The following NIPBL variants were observed in gnomAD, a reference collection of about 807,000 sequenced individuals.
NIPBL encodes the protein nipped-B-like protein.
In NIPBL, 19 loss-of-function variants were observed where a neutral mutation model predicts 321.8. The ratio of observed to expected loss-of-function variants is 0.06; its 90% CI spans 0.04 to 0.09. NIPBL has a LOEUF of 0.09. NIPBL is among the 10% of genes least tolerant of loss of function. NIPBL has a pLI of 1.00. For synonymous variants in NIPBL, 1,106 were observed against 1,114.1 expected (o/e 0.99, Z 0.14); for missense variants, 2,210 against 3,327.0 (o/e 0.66, Z 8.26).
At position 37,024,569 on chromosome 5, in the gene NIPBL, A is replaced by G; in HGVS notation, c.5575-16A>G. On this transcript the variant is annotated splice_polypyrimidine_tract_variant and intron_variant, in intron 29 of 46. Transcript: ENST00000282516. ...CTCAATTTTTCTGACTCTTAAAAAT[A>G]CCTTTCTGTTTTTAGGATACTGGTA... The G allele has an allele frequency of 6.3e-7, 1 of 1,593,408 alleles. No individual in the cohort carries two copies.
intron 6 of NIPBL, among the ~76,000 whole-genome samples, chr5:36,963,890 T>G (rs186808436): frequency 6.6e-6 from 1 of 152,250 alleles, no homozygotes. Flanking sequence ...TAAAATACTA[T>G]TATACTCAAG....
At chr5:36,896,503 A>G (rs1411895689) in intron 1 of NIPBL, among the ~76,000 whole-genome samples, 1 of 152,184 alleles carries the variant, frequency 6.6e-6, no homozygotes, top group Non-Finnish European at 1.5e-5. Context: ...TCTGTAGATG[A>G]GTTTGGGGAG....
intron 6 of NIPBL, among the ~76,000 whole-genome samples, chr5:36,969,123 T>A (rs1200999119): frequency 2.0e-5 from 3 of 152,146 alleles, no homozygotes; most frequent in African/African-American, 7.2e-5. Flanking sequence ...AAGACTTTTG[T>A]GGAGCAAATT....
At chr5:36,921,669 A>C (rs1453710422) in intron 1 of NIPBL, among the ~76,000 whole-genome samples, 1 of 152,196 alleles carries the variant, frequency 6.6e-6, no homozygotes, top group African/African-American at 2.4e-5. Flanking sequence ...CATTTGCCAC[A>C]GGAGTAAAAT....
At chr5:36,991,820 G>T (rs1745556273) in intron 10 of NIPBL, among the ~76,000 whole-genome samples, 1 of 149,348 alleles carries the variant, frequency 6.7e-6, no homozygotes, top group Non-Finnish European at 1.5e-5. Context: ...TTCTGAACGT[G>T]ACTTGTTTCC....
chr5:37,049,241 C>T lies in NIPBL; in HGVS notation c.6894C>T (p.Arg2298=), dbSNP rs58424791. 6.2e-7 allele frequency: 1 copy of T among 1,614,114 alleles called. No homozygotes were observed. The highest frequency in any genetic ancestry group is 1.7e-5 in the Admixed American group (1 of 60,016). Residue 2298 remains arginine (R), a synonymous_variant, in exon 40 of 47, where the codon CGC becomes CGT. Transcript: ENST00000282516. Reference sequence around the variant, plus strand: ...TTTTTCACACCCAGTCAAGTGTACGCCACTTTGCCCTAAATGTCATTGCAT... The same window carrying T: ...TTTTTCACACCCAGTCAAGTGTACGTCACTTTGCCCTAAATGTCATTGCAT... ...EAFFHTQSSV[R]HFALNVIALT... is the part of the protein sequence containing the mutation.
Position 36,976,290 on chromosome 5 carries a change from A to G in NIPBL, c.1383A>G (p.Gln461=), listed in dbSNP as rs1488544687. The G allele has an allele frequency of 3.7e-6, 6 of 1,613,648 alleles. No homozygotes were observed. The African/African-American group carries it at 4.0e-5, about 11-fold the overall frequency. The stretch of plus-strand genomic sequence containing the variant: ...TACAGAATCAACAACAGATATCACA[A>G]CAGGGACCTATATATGATGAAGTGG... ...SVVQNQQQIS[Q]QGPIYDEVEL... is the part of the protein sequence containing the mutation. Residue 461 remains glutamine (Q), a synonymous_variant, in exon 9 of 47, where the codon CAA becomes CAG. Transcript: ENST00000282516.
At chr5:36,971,843 A>G in intron 7 of NIPBL, 102 bp from the exon 8 acceptor site, 1 of 1,517,634 alleles carries the variant, frequency 6.6e-7, no homozygotes, top group Non-Finnish European at 8.9e-7. Context: ...GAATTCCAAC[A>G]CTTTACCTGT....
intron 1 of NIPBL, among the ~76,000 whole-genome samples, chr5:36,904,875 C>A (rs1308577902): frequency 6.6e-6 from 1 of 152,172 alleles, no homozygotes. Flanking sequence ...GTAACCTAAT[C>A]TCAGAAGTGA....
At chr5:36,935,087 T>G (rs917060562) in intron 1 of NIPBL, among the ~76,000 whole-genome samples, 1 of 152,154 alleles carries the variant, frequency 6.6e-6, no homozygotes, top group Non-Finnish European at 1.5e-5. Flanking sequence ...CCTCTCTGTT[T>G]TGGCAAAACC....
At position 36,983,289 on chromosome 5, in the gene NIPBL, G is replaced by A. The variant is rs1022820284; in HGVS notation, c.1496-1387G>A. 2.0e-5 allele frequency among the ~76,000 whole-genome samples: 3 copies of A among 152,012 alleles called. No individual in the cohort carries two copies. The East Asian group carries it at 5.8e-4, about 29-fold the overall frequency. ...ATTTGACTGGACAACTGAAGGAGCAGAAGGACTTAGTTTTACAAAATATAA... is the reference window on the plus strand; with the variant it reads ...ATTTGACTGGACAACTGAAGGAGCAAAAGGACTTAGTTTTACAAAATATAA... On this transcript the variant is annotated intron_variant, in intron 9 of 46. Coordinates refer to ENST00000282516, the MANE Select transcript of NIPBL (RefSeq NM_133433.4).
At chr5:36,909,407 T>G (rs1455497255) in intron 1 of NIPBL, among the ~76,000 whole-genome samples, 1 of 152,194 alleles carries the variant, frequency 6.6e-6, no homozygotes, top group Non-Finnish European at 1.5e-5. Flanking sequence ...TGTTCCAAGA[T>G]TGATGAAATT....
Position 37,057,258 on chromosome 5 carries a change from C to G in NIPBL, c.7336C>G (p.Pro2446Ala). The G allele has an allele frequency of 1.9e-6, 3 of 1,613,680 alleles. No homozygotes were observed. The highest frequency in any genetic ancestry group is 2.2e-5 in the East Asian group (1 of 44,868). The change falls in exon 43 of 47, where the codon CCG becomes GCG. Residue 2446 changes from proline (P) to alanine (A), a missense_variant. Coordinates refer to ENST00000282516, the MANE Select transcript of NIPBL (RefSeq NM_133433.4). ...TTTTCCATACCAGACACAGGAAGAG[C>G]CGTTGTTTATAATGCATCATATAGA... ...ACFPYQTQEE[P>A]LFIMHHIDIT...
intron 35 of NIPBL, 27 bp from the exon 36 acceptor site, chr5:37,044,609 T>G (rs770897720): frequency 6.2e-7 from 1 of 1,600,666 alleles, no homozygotes; most frequent in South Asian, 1.1e-5. Flanking sequence ...TTTTAACTTT[T>G]ATCTAAACAT....
intron 9 of NIPBL, among the ~76,000 whole-genome samples, chr5:36,983,750 CAGAA>C (rs1744409076): frequency 6.6e-6 from 1 of 151,920 alleles, no homozygotes; most frequent in African/African-American, 2.4e-5. Context: ...GAATCATACA[CAGAA>C]ATATATAGAT....
chr5:36,959,210 A>C (rs1741321357), intron 4 of NIPBL, among the ~76,000 whole-genome samples: 1 of 152,206 alleles, frequency 6.6e-6, no homozygotes, highest in South Asian at 2.1e-4. Flanking sequence ...CTGTCTCCAA[A>C]CAAAAAGAAA....
At chr5:36,982,982 AG>A (rs1744316169) in intron 9 of NIPBL, among the ~76,000 whole-genome samples, 1 of 151,960 alleles carries the variant, frequency 6.6e-6, no homozygotes, top group Admixed American at 6.6e-5. Flanking sequence ...TAAAAGTTTA[AG>A]GGATAAGCAT....
intron 42 of NIPBL, among the ~76,000 whole-genome samples, chr5:37,056,451 C>T (rs930608195): frequency 6.6e-6 from 1 of 151,876 alleles, no homozygotes; most frequent in Non-Finnish European, 1.5e-5. Flanking sequence ...TCATGAAATG[C>T]TTGAATTCTC....
chr5:36,923,366 T>TTA (rs1271424329), intron 1 of NIPBL, among the ~76,000 whole-genome samples: 1 of 152,038 alleles, frequency 6.6e-6, no homozygotes, highest in African/African-American at 2.4e-5. Context: ...GCCAATGATG[T>TTA]TATTCTCTGA....
Sources: allele counts gnomAD v4.1 joint callset (sites outside exome capture counted in the v4.1 genomes callset), GRCh38; gene constraint gnomAD v4.1.1; transcripts MANE v1.5; gene names NCBI Gene and HGNC (gene_info 2026-07-23, HGNC 2026-07-21).